CFAP100: variants seen among roughly 807,000 people sequenced by gnomAD.
CFAP100 encodes the protein cilia- and flagella-associated protein 100.
In CFAP100, 70 loss-of-function variants were observed where a neutral mutation model predicts 81.5. The observed-to-expected ratio is 0.86, with a 90% CI of 0.71 to 1.05. The LOEUF (loss-of-function observed/expected upper bound fraction) is 1.05, where lower values mean the gene tolerates loss of function less well. CFAP100 is among the 50% of genes least tolerant of loss of function. The pLI, the probability that CFAP100 is intolerant of heterozygous loss-of-function variation, is 0.00. For missense variants in CFAP100, 811 were observed against 776.5 expected, an observed-to-expected ratio of 1.04 and a Z score of -0.53; for synonymous variants, 341 against 314.8, an observed-to-expected ratio of 1.08 and a Z score of -0.88.
At chr3:126,395,127 T>C (rs547055393) in intron 1 of CFAP100, 149 bp downstream of exon 1, 2 of 152,436 alleles carry the variant, frequency 1.3e-5, no homozygotes, top group Non-Finnish European at 2.9e-5. Context: ...CCCGCTCGCA[T>C]GCCACTTGCT....
At chr3:126,435,258 A>G (rs1933400650) in intron 15 of CFAP100, among the ~76,000 whole-genome samples, 1 of 150,532 alleles carries the variant, frequency 6.6e-6, no homozygotes, top group African/African-American at 2.5e-5. Context: ...AGATTCAGAG[A>G]AATGTGCCTC....
intron 2 of CFAP100, 111 bp downstream of exon 2, chr3:126,396,160 T>C (rs2082885393): frequency 2.5e-6 from 2 of 804,186 alleles, no homozygotes; most frequent in Non-Finnish European, 4.3e-6. Flanking sequence ...GCAGGAGTCA[T>C]AGATCTGCCT....
intron 7 of CFAP100, 129 bp from the exon 8 acceptor site, chr3:126,418,947 T>C: frequency 1.0e-6 from 1 of 996,822 alleles, no homozygotes; most frequent in Non-Finnish European, 1.5e-6. Flanking sequence ...GGCTTAACTG[T>C]GTGGCTCTCC....
chr3:126,420,416 C>T (rs1433564937), intron 11 of CFAP100, among the ~76,000 whole-genome samples, 187 bp downstream of exon 11: 2 of 152,236 alleles, frequency 1.3e-5, no homozygotes, highest in Non-Finnish European at 2.9e-5. Flanking sequence ...GACCTGTGGG[C>T]AGGAGTTTCC....
intron 2 of CFAP100, among the ~76,000 whole-genome samples, chr3:126,402,470 C>CAGGT (rs1311713931): frequency 1.3e-5 from 2 of 152,096 alleles, no homozygotes; most frequent in Non-Finnish European, 2.9e-5. Flanking sequence ...GGTGAGTGAG[C>CAGGT]AGGTGTAGGA....
intron 5 of CFAP100, chr3:126,416,866 G>A (rs1173166738): frequency 5.6e-6 from 1 of 180,174 alleles, no homozygotes; most frequent in Non-Finnish European, 1.1e-5. Context: ...TGTTATAATT[G>A]TTCTATTTTT....
chr3:126,435,668 T>C lies in CFAP100; in HGVS notation c.1722+16T>C, dbSNP rs1168361302. The C allele has an allele frequency of 6.2e-7, 1 of 1,603,300 alleles. No individual in the cohort carries two copies. Among genetic ancestry groups the C allele is most frequent in the Admixed American group, 1.7e-5 (1 of 59,180 alleles). On this transcript the variant is annotated intron_variant, in intron 16 of 16. Transcript: ENST00000352312. ...CAAGAAGAAGGTAGGCAGGGTCGCC[T>C]TGGGGGGTCTCTGCTGGAGGGGGTC...
At chr3:126,396,920 A>T (rs909998748) in intron 2 of CFAP100, among the ~76,000 whole-genome samples, 1 of 152,176 alleles carries the variant, frequency 6.6e-6, no homozygotes, top group Non-Finnish European at 1.5e-5. Flanking sequence ...TCAAAATTCA[A>T]AAGTGTGTTA....
At chr3:126,404,445 G>C (rs2083031705) in intron 2 of CFAP100, among the ~76,000 whole-genome samples, 1 of 152,146 alleles carries the variant, frequency 6.6e-6, no homozygotes, top group South Asian at 2.1e-4. Context: ...TCCTTCTATG[G>C]AAGGCTGCCT....
intron 5 of CFAP100, chr3:126,418,119 C>T (rs1010228114): frequency 1.7e-5 from 5 of 290,338 alleles, no homozygotes; most frequent in African/African-American, 8.8e-5. Context: ...GGCTAGAAGG[C>T]CTGTGGCTAT....
chr3:126,414,595 T>C (rs902963883), intron 4 of CFAP100, among the ~76,000 whole-genome samples: 1 of 152,210 alleles, frequency 6.6e-6, no homozygotes, highest in Admixed American at 6.5e-5. Flanking sequence ...GTGCCGTCCC[T>C]ATGGCTGGAC....
rs201851935 is a variant in CFAP100 at position 126,419,629 on chromosome 3, C to T, written c.732-8C>T. ...TCCTTCCCACATCCTCACCCCGCCC[C>T]GGTGTAGTGAGATCTCCAGATTTGA... On this transcript the variant is annotated splice_polypyrimidine_tract_variant and splice_region_variant and intron_variant, in intron 8 of 16. Coordinates refer to ENST00000352312, the MANE Select transcript of CFAP100 (RefSeq NM_182628.3). The T allele has an allele frequency of 2.0e-4, 320 of 1,611,838 alleles. No homozygotes were observed. Among genetic ancestry groups the T allele is most frequent in the Middle Eastern group, 1.0e-3 (6 of 6,010 alleles).
intron 2 of CFAP100, among the ~76,000 whole-genome samples, chr3:126,400,002 A>G (rs1369731135): frequency 6.6e-6 from 1 of 152,152 alleles, no homozygotes; most frequent in Non-Finnish European, 1.5e-5. Flanking sequence ...CCATTGTTCC[A>G]ACTCCAGGGT....
At chr3:126,433,298 G>A (rs1933305034) in intron 14 of CFAP100, 94 bp downstream of exon 14, 2 of 1,478,144 alleles carry the variant, frequency 1.4e-6, no homozygotes, top group African/African-American at 2.8e-5. Flanking sequence ...GGAAGATGGA[G>A]GACAAGGCCC....
intron 2 of CFAP100, among the ~76,000 whole-genome samples, chr3:126,402,455 G>T (rs563312481): frequency 3.3e-5 from 5 of 152,190 alleles, no homozygotes; most frequent in Non-Finnish European, 5.9e-5. Context: ...AGGAAGGAAC[G>T]GTGAGGTGAG....
rs772563689 is a variant in CFAP100 at position 126,433,150 on chromosome 3, G to C, written c.1368G>C (p.Glu456Asp). The change falls in exon 14 of 17, where the codon GAG becomes GAC. Residue 456 changes from glutamate (E) to aspartate (D), a missense_variant. Glu to Asp is a conservative substitution (Grantham distance 45). Coordinates refer to ENST00000352312, the MANE Select transcript of CFAP100 (RefSeq NM_182628.3). Reference sequence around the variant, plus strand: ...CCAAGGAGGAGGACACAGCAGCTGAGCTGGAGCTCAAAGCCCGAGTCTTCC... The same window carrying C: ...CCAAGGAGGAGGACACAGCAGCTGACCTGGAGCTCAAAGCCCGAGTCTTCC... ...SITKEEDTAA[E>D]LELKARVFHF... The C allele has an allele frequency of 5.0e-6, 8 of 1,614,122 alleles. No individual in the cohort carries two copies. In the East Asian group the frequency reaches 1.8e-4, roughly 36 times the overall value.
At chr3:126,422,981 AGAG>A (rs775391752) in intron 11 of CFAP100, among the ~76,000 whole-genome samples, 35 of 152,158 alleles carry the variant, frequency 2.3e-4, no homozygotes, top group Non-Finnish European at 4.0e-4. Flanking sequence ...GCATGACCCA[AGAG>A]GAGAGCAGGT....
At chr3:126,435,918 AGGAGCAGGGTCCCACCAC>A (rs1238828160) in intron 16 of CFAP100, among the ~76,000 whole-genome samples, 2 of 151,978 alleles carry the variant, frequency 1.3e-5, no homozygotes, top group Non-Finnish European at 2.9e-5. Context: ...CACTCTGCTC[AGGAGCAGGGTCCCACCAC>A]CCTACCCACA....
chr3:126,436,423 G>T lies in CFAP100; in HGVS notation c.*19G>T. Reference sequence around the variant, plus strand: ...TACTTAATCTTCGCAGACCATAGCTGTTCTGGCTGAAGGCTTAGCAAAGAT... The same window carrying T: ...TACTTAATCTTCGCAGACCATAGCTTTTCTGGCTGAAGGCTTAGCAAAGAT... On this transcript the variant is annotated 3_prime_UTR_variant, in exon 17 of 17. Coordinates refer to ENST00000352312, the MANE Select transcript of CFAP100 (RefSeq NM_182628.3). 6.3e-7 allele frequency: 1 copy of T among 1,589,644 alleles called. No individual in the cohort carries two copies. Among genetic ancestry groups the T allele is most frequent in the Non-Finnish European group, 8.6e-7 (1 of 1,160,206 alleles).
Sources: allele counts gnomAD v4.1 joint callset (sites outside exome capture counted in the v4.1 genomes callset), GRCh38; gene constraint gnomAD v4.1.1; transcripts MANE v1.5; gene names NCBI Gene and HGNC (gene_info 2026-07-23, HGNC 2026-07-21).